The following CTPS1 variants were observed in gnomAD, a reference collection of about 807,000 sequenced individuals.
The protein encoded by CTPS1 is CTP synthetase 1.
In CTPS1, 25 loss-of-function variants were observed where a neutral mutation model predicts 80.5. That is an observed-to-expected ratio of 0.31 (90% CI 0.23 to 0.43). The LOEUF is 0.43. Among genes scored for constraint, CTPS1 ranks in the 20% least tolerant of loss-of-function variants. The probability of loss-of-function intolerance (pLI) is 1.00; values close to 1 mark genes in which losing one functional copy is unlikely to be tolerated. For synonymous variants in CTPS1, 267 were observed against 252.5 expected, an observed-to-expected ratio of 1.06 and a Z score of -0.54; for missense variants, 442 against 725.7, an observed-to-expected ratio of 0.61 and a Z score of 4.49.
intron 5 of CTPS1, 42 bp downstream of exon 5, chr1:40,988,752 A>G (rs747077245): frequency 7.5e-7 from 1 of 1,342,244 alleles, no homozygotes; most frequent in Non-Finnish European, 1.1e-6. Flanking sequence ...GGAGATGGAG[A>G]GGAGGGAGGA....
intron 6 of CTPS1, 152 bp from the exon 7 acceptor site, chr1:40,991,613 C>G: frequency 1.7e-6 from 1 of 593,382 alleles, no homozygotes; most frequent in Non-Finnish European, 3.0e-6. Flanking sequence ...TGAAACGAGT[C>G]ATAATATTTT....
chr1:40,984,500 C>G (rs1307969934), intron 2 of CTPS1, among the ~76,000 whole-genome samples: 1 of 152,144 alleles, frequency 6.6e-6, no homozygotes, highest in African/African-American at 2.4e-5. Flanking sequence ...GTTCTTTTTC[C>G]CTAAGCAGCA....
At position 40,988,674 on chromosome 1, in the gene CTPS1, G is replaced by A. The variant is rs1642520351; in HGVS notation, c.519G>A (p.Glu173=). ...AGTTCCAATTCAAGGTCAAAAGAGAGAACTTTTGTAACATCCACGTCAGTC... is the reference window on the plus strand; with the variant it reads ...AGTTCCAATTCAAGGTCAAAAGAGAAAACTTTTGTAACATCCACGTCAGTC... ...FRQFQFKVKR[E]NFCNIHVSLV... is the part of the protein sequence containing the mutation. The change falls in exon 5 of 19, where the codon GAG becomes GAA. Residue 173 remains glutamate (E), a synonymous_variant. Coordinates refer to ENST00000650070, the MANE Select transcript of CTPS1 (RefSeq NM_001905.4). 17 of 1,613,906 alleles carry A rather than the reference G, an allele frequency of 1.1e-5. No individual in the cohort carries two copies. The highest frequency in any genetic ancestry group is 1.4e-5 in the Non-Finnish European group (17 of 1,179,824).
intron 8 of CTPS1, 155 bp downstream of exon 8, chr1:40,996,223 T>G: frequency 1.2e-6 from 1 of 816,362 alleles, no homozygotes; most frequent in Non-Finnish European, 1.9e-6. Context: ...AGAAAGGATC[T>G]TAGCTGTCAC....
chr1:40,980,185 G>C (rs1651802789), intron 1 of CTPS1: 1 of 114,670 alleles, frequency 8.7e-6, no homozygotes, highest in South Asian at 2.7e-4. Context: ...AGGCCGTAGG[G>C]GAGTGGAGCG....
chr1:40,983,276 A>G lies in CTPS1; in HGVS notation c.-13-2A>G. 1 of 1,608,136 alleles carries G rather than the reference A, an allele frequency of 6.2e-7. No homozygotes were observed. The highest frequency in any genetic ancestry group is 8.5e-7 in the Non-Finnish European group (1 of 1,176,590). ...ATCATCTGTAATTTTTCCTTCTTCC[A>G]GGTCAAAGAGTAAAATGAAGTACAT... On this transcript the variant is annotated splice_acceptor_variant, in intron 1 of 18. Transcript: ENST00000650070. LOFTEE classifies it low-confidence loss of function (5UTR_SPLICE).
chr1:40,993,840 A>ATGTAGTGCAG (rs1230749397), intron 7 of CTPS1, among the ~76,000 whole-genome samples: 2 of 125,644 alleles, frequency 1.6e-5, no homozygotes, highest in Admixed American at 2.1e-4. Flanking sequence ...GTGCAGTGGC[A>ATGTAGTGCAG]TGATCTTGGC....
intron 18 of CTPS1, among the ~76,000 whole-genome samples, chr1:41,010,574 G>A (rs1007397805): frequency 1.3e-5 from 2 of 152,170 alleles, no homozygotes; most frequent in African/African-American, 4.8e-5. Flanking sequence ...GTTCTGGGGC[G>A]GGGAAGGGGA....
At chr1:40,983,624 T>TC (rs1190911941) in intron 2 of CTPS1, among the ~76,000 whole-genome samples, 168 bp downstream of exon 2, 1 of 151,764 alleles carries the variant, frequency 6.6e-6, no homozygotes, top group Non-Finnish European at 1.5e-5. Flanking sequence ...GAATTCTTTT[T>TC]TTTTTTTTTT....
intron 9 of CTPS1, among the ~76,000 whole-genome samples, chr1:40,998,275 G>A (rs1642808483): frequency 6.6e-6 from 1 of 151,984 alleles, no homozygotes; most frequent in Non-Finnish European, 1.5e-5. Context: ...GCATGTGCCT[G>A]TAGTCCTAGC....
intron 5 of CTPS1, among the ~76,000 whole-genome samples, chr1:40,990,800 C>A (rs1223234954): frequency 6.6e-6 from 1 of 152,172 alleles, no homozygotes; most frequent in Admixed American, 6.5e-5. Flanking sequence ...CAAAAGAGGA[C>A]TGCAGGCACA....
chr1:41,008,233 G>T (rs940955899), intron 14 of CTPS1, among the ~76,000 whole-genome samples: 2 of 152,138 alleles, frequency 1.3e-5, no homozygotes, highest in African/African-American at 4.8e-5. Context: ...AGCCACTGAG[G>T]GCTGATGACC....
chr1:41,004,396 G>C (rs754732191), intron 12 of CTPS1: 7 of 152,252 alleles, frequency 4.6e-5, no homozygotes, highest in Non-Finnish European at 8.8e-5. Context: ...GCATGCCCTT[G>C]AGTGCTGGCT....
Position 41,009,442 on chromosome 1 carries a change from C to T in CTPS1, c.1547-3C>T. ...AGCTGTTTCTTTTGAATCTCTATTT[C>T]AGATCATCCCTTTTTTGTTGGGGTT... On this transcript the variant is annotated splice_region_variant and splice_polypyrimidine_tract_variant and intron_variant, in intron 16 of 18. Transcript: ENST00000650070. The T allele has an allele frequency of 6.4e-7, 1 of 1,561,364 alleles. No individual in the cohort carries two copies. The highest frequency in any genetic ancestry group is 8.6e-7 in the Non-Finnish European group (1 of 1,157,918).
intron 1 of CTPS1, 73 bp downstream of exon 1, chr1:40,979,902 G>T (rs929559696): frequency 1.3e-5 from 2 of 152,218 alleles, no homozygotes; most frequent in African/African-American, 4.8e-5. Flanking sequence ...GCTGAGCCCG[G>T]CGCCGAATAG....
At chr1:40,989,638 A>C (rs1002343177) in intron 5 of CTPS1, among the ~76,000 whole-genome samples, 20 of 152,168 alleles carry the variant, frequency 1.3e-4, no homozygotes, top group Admixed American at 1.1e-3. Flanking sequence ...TAAGAGACCA[A>C]ACAACAGAAA....
At chr1:41,010,087 C>T (rs1643131604) in intron 17 of CTPS1, 74 bp from the exon 18 acceptor site, 2 of 949,584 alleles carry the variant, frequency 2.1e-6, no homozygotes, top group Admixed American at 1.9e-5. Flanking sequence ...CCTGTAGGAA[C>T]CGTGGTTACA....
rs780506156 is a variant in CTPS1, at chr1:41,000,982, C to T, written c.1006-47C>T. ...TTATTTAAAAATTAAGAACGCACAG[C>T]CTGGGGTCACGAGCCTGCTTTTCTC... On this transcript the variant is annotated intron_variant, in intron 9 of 18. Coordinates refer to ENST00000650070, the MANE Select transcript of CTPS1 (RefSeq NM_001905.4). The T allele has an allele frequency of 1.1e-5, 14 of 1,327,030 alleles. No individual in the cohort carries two copies. In the East Asian group the frequency reaches 2.8e-4, roughly 27 times the overall value. 82.2% of individuals were successfully genotyped at this position (1,327,030 alleles called of 1,614,324 possible).
In CTPS1 at chr1:40,999,974, AC is replaced by A. The variant is rs542566389; in HGVS notation, c.1006-1050del. Among the ~76,000 whole-genome samples, 322 of 152,158 alleles carry A rather than the reference AC, an allele frequency of 2.1e-3. 1 individual carries two copies. Among genetic ancestry groups the A allele is most frequent in the Middle Eastern group, 3.4e-3 (1 of 294 alleles). ...AGAGCAGCCTGGTCAACATAGCGAG[AC>A]CCCCGTCTCTGCAAAAAAAAGTTAA... is the stretch of plus-strand genomic sequence containing the variant. On this transcript the variant is annotated intron_variant, in intron 9 of 18. Transcript: ENST00000650070.
Sources: allele counts gnomAD v4.1 joint callset (sites outside exome capture counted in the v4.1 genomes callset), GRCh38; gene constraint gnomAD v4.1.1; transcripts MANE v1.5; gene names NCBI Gene and HGNC (gene_info 2026-07-23, HGNC 2026-07-21).